EFCAB12: variants seen among roughly 807,000 people sequenced by gnomAD.
EFCAB12 encodes EF-hand calcium-binding domain-containing protein 12.
EFCAB12 carries 43 observed loss-of-function variants against 53.6 expected under a neutral mutation model. The observed-to-expected ratio is 0.80, with a 90% CI of 0.63 to 1.03. EFCAB12 has a LOEUF of 1.03. Ranked by LOEUF, EFCAB12 falls within the 50% of genes least tolerant of loss-of-function variation. The probability of loss-of-function intolerance (pLI) is 0.00; values close to 1 mark genes in which losing one functional copy is unlikely to be tolerated. For synonymous variants in EFCAB12, 269 were observed against 289.2 expected (o/e 0.93, Z 0.71); for missense variants, 646 against 730.6 (o/e 0.88, Z 1.34).
chr3:129,408,568 C>T, intron 6 of EFCAB12, 77 bp downstream of exon 6: 2 of 1,451,620 alleles, frequency 1.4e-6, no homozygotes, highest in Non-Finnish European at 1.9e-6. Flanking sequence ...TGCATGGGTG[C>T]CCTGGGTGGC....
rs553566899 is a variant in EFCAB12 at position 129,404,239 on chromosome 3, C to T, written c.1403+11G>A. ...GGCCAAGGCAGGGAGAAAGGGGGTC[C>T]GAAACTCAGCTTGTCAGTCCTCTTA... is the stretch of plus-strand genomic sequence containing the variant. On this transcript the variant is annotated intron_variant, in intron 7 of 8. Transcript: ENST00000505956. 29 of 1,609,534 alleles carry T rather than the reference C, an allele frequency of 1.8e-5. No homozygotes were observed. The highest frequency in any genetic ancestry group is 1.3e-4 in the East Asian group (6 of 44,802).
rs1458299252 is a variant in EFCAB12, at chr3:129,421,727, G to A, written c.126C>T (p.Phe42=). Reference sequence around the variant, plus strand: ...GGAAGTCCTTCTGCTGGAACTGCTTGAAGCAGTGGGCAATGACCGGTTCAG... The same window carrying A: ...GGAAGTCCTTCTGCTGGAACTGCTTAAAGCAGTGGGCAATGACCGGTTCAG... ...FDPEPVIAHC[F]KQFQQKDFRL... The change falls in exon 2 of 9, where the codon TTC becomes TTT. Residue 42 remains phenylalanine, a synonymous_variant. Transcript: ENST00000505956. The A allele has an allele frequency of 6.2e-7, 1 of 1,613,872 alleles. No individual in the cohort carries two copies. The highest frequency in any genetic ancestry group is 2.2e-5 in the East Asian group (1 of 44,878).
chr3:129,428,459 A>G lies in EFCAB12; in HGVS notation c.30T>C (p.Ser10=). MDDDYEAYH[S]LFLSLLGLCP... ...GCTTACCGAGCAGCGACAAGAACAGACTGTGGTACGCTTCATAGTCGTCGT... is the reference window on the plus strand; with the variant it reads ...GCTTACCGAGCAGCGACAAGAACAGGCTGTGGTACGCTTCATAGTCGTCGT... Residue 10 remains serine (S), a synonymous_variant, in exon 1 of 9, where the codon AGT becomes AGC. Transcript: ENST00000505956. The G allele has an allele frequency of 6.2e-7, 1 of 1,611,022 alleles. No individual in the cohort carries two copies. The highest frequency in any genetic ancestry group is 8.5e-7 in the Non-Finnish European group (1 of 1,178,622).
At chr3:129,424,046 C>G (rs73865438) in intron 1 of EFCAB12, among the ~76,000 whole-genome samples, 1,928 of 152,322 alleles carry the variant, frequency 0.013, 33 homozygotes, top group African/African-American at 0.044. Flanking sequence ...TTAGTCCCAT[C>G]ATAAGCATTT....
chr3:129,408,660 C>T lies in EFCAB12; in HGVS notation c.1234G>A (p.Asp412Asn). 1 of 1,574,742 alleles carries T rather than the reference C, an allele frequency of 6.4e-7. No individual in the cohort carries two copies. The highest frequency in any genetic ancestry group is 1.2e-5 in the South Asian group (1 of 85,798). ...AGGCCCTTACCTTTCATGAGGATGT[C>T]CTCTGTCAGCGGGAGGCCATAGGAC... ...CKSYGLPLTEDILMKALLYPG... is the reference protein window; with the variant it reads ...CKSYGLPLTENILMKALLYPG... Residue 412 changes from aspartate to asparagine, a missense_variant, in exon 6 of 9, where the codon GAC becomes AAC. By Grantham distance (23) the Asp-to-Asn change is conservative (BLOSUM62 1). Coordinates refer to ENST00000505956, the MANE Select transcript of EFCAB12 (RefSeq NM_207307.3).
In EFCAB12 at chr3:129,401,675, G is replaced by GGGTGGTA. The variant is rs1164814725; in HGVS notation, c.1630_1636dup (p.Pro546LeufsTer4). The GGGTGGTA allele has an allele frequency of 1.3e-6, 2 of 1,589,858 alleles. No individual in the cohort carries two copies. Among genetic ancestry groups the GGGTGGTA allele is most frequent in the African/African-American group, 2.7e-5 (2 of 74,538 alleles). On this transcript the variant is annotated frameshift_variant, in exon 9 of 9. Coordinates refer to ENST00000505956, the MANE Select transcript of EFCAB12 (RefSeq NM_207307.3). LOFTEE classifies it low-confidence loss of function (END_TRUNC). Reference sequence around the variant, plus strand: ...GTTCCTAAGGGGCCACCAGTGGTCAGGGTGGTAGGTGGCTGGGTAGACATG... The same window carrying GGGTGGTA: ...GTTCCTAAGGGGCCACCAGTGGTCAGGGTGGTAGGTGGTAGGTGGCTGGGTAGACATG...
intron 5 of EFCAB12, among the ~76,000 whole-genome samples, chr3:129,409,832 G>A (rs1042628985): frequency 1.3e-5 from 2 of 152,126 alleles, no homozygotes; most frequent in Non-Finnish European, 2.9e-5. Flanking sequence ...GCCCTTTACA[G>A]GGGAACTTTG....
chr3:129,423,867 C>A (rs553874524), intron 1 of EFCAB12, among the ~76,000 whole-genome samples: 3 of 152,226 alleles, frequency 2.0e-5, no homozygotes, highest in Non-Finnish European at 4.4e-5. Flanking sequence ...ATCTGCCCCA[C>A]CAACACACAC....
At chr3:129,421,927 A>G (rs2072194742) in intron 1 of EFCAB12, 124 bp from the exon 2 acceptor site, 1 of 964,996 alleles carries the variant, frequency 1.0e-6, no homozygotes, top group Admixed American at 2.9e-5. Context: ...AGGCTTTATC[A>G]TTGTCTTGCT....
At chr3:129,405,313 C>T (rs950685082) in intron 6 of EFCAB12, among the ~76,000 whole-genome samples, 4 of 152,062 alleles carry the variant, frequency 2.6e-5, no homozygotes, top group African/African-American at 7.2e-5. Context: ...ATGGAAGTTA[C>T]GCTCCAGCGA....
rs757909257 is a variant in EFCAB12 at position 129,411,240 on chromosome 3, G to C, written c.953C>G (p.Thr318Arg). Reference sequence around the variant, plus strand: ...GGTCATGGGCCGCGTCTCCATCTGCGTGTCGACTGCAGGCACCGTCAGTAG... The same window carrying C: ...GGTCATGGGCCGCGTCTCCATCTGCCTGTCGACTGCAGGCACCGTCAGTAG... ...VDLLTVPAVD[T>R]QMETRPMTLE... The change falls in exon 5 of 9, where the codon ACG becomes AGG. Residue 318 changes from threonine (T) to arginine (R), a missense_variant. Transcript: ENST00000505956. 1 of 1,613,704 alleles carries C rather than the reference G, an allele frequency of 6.2e-7. No homozygotes were observed.
At chr3:129,417,675 ACT>A (rs1442319090) in intron 3 of EFCAB12, among the ~76,000 whole-genome samples, 2 of 152,196 alleles carry the variant, frequency 1.3e-5, no homozygotes, top group Admixed American at 6.5e-5. Flanking sequence ...ACTACTGAGC[ACT>A]CAAAATATGT....
chr3:129,421,373 G>A lies in EFCAB12; in HGVS notation c.480C>T (p.Thr160=), dbSNP rs2107741827. The part of the protein sequence containing the change: ...QPNASQATTR[T]TRKKAPRLSR... ...GGCAAATGGGGCTGCTCACCCTGGT[G>A]GTCCTGGTAGTTGCCTGGGAGGCAT... The change falls in exon 2 of 9, where the codon ACC becomes ACT. Residue 160 remains threonine, a synonymous_variant. Coordinates refer to ENST00000505956, the MANE Select transcript of EFCAB12 (RefSeq NM_207307.3). 6.2e-7 allele frequency: 1 copy of A among 1,604,666 alleles called. No individual in the cohort carries two copies. Among genetic ancestry groups the A allele is most frequent in the Non-Finnish European group, 8.5e-7 (1 of 1,172,970 alleles).
At chr3:129,423,982 G>GA (rs1377934057) in intron 1 of EFCAB12, among the ~76,000 whole-genome samples, 1 of 152,104 alleles carries the variant, frequency 6.6e-6, no homozygotes, top group Non-Finnish European at 1.5e-5. Flanking sequence ...CCGGCCCCTT[G>GA]AAGCCCTCCC....
chr3:129,415,127 C>T (rs992093183), intron 4 of EFCAB12, 118 bp downstream of exon 4: 138 of 1,303,222 alleles, frequency 1.1e-4, no homozygotes, highest in Non-Finnish European at 1.2e-4. Context: ...AAACCACAGT[C>T]GGCCAAAACT....
intron 1 of EFCAB12, among the ~76,000 whole-genome samples, chr3:129,426,126 C>G (rs2072267851): frequency 6.6e-6 from 1 of 152,158 alleles, no homozygotes; most frequent in South Asian, 2.1e-4. Context: ...ACCTCTCCGG[C>G]TATTGTTTTT....
chr3:129,421,292 C>T, intron 2 of EFCAB12, 75 bp downstream of exon 2: 2 of 1,450,654 alleles, frequency 1.4e-6, no homozygotes, highest in Non-Finnish European at 1.8e-6. Context: ...CCCTATCCAG[C>T]CTAACCCAAG....
In EFCAB12 at chr3:129,404,299, G is replaced by A. The variant is rs1238821129; in HGVS notation, c.1354C>T (p.Leu452=). The A allele has an allele frequency of 6.2e-7, 1 of 1,613,942 alleles. No homozygotes were observed. Among genetic ancestry groups the A allele is most frequent in the Non-Finnish European group, 8.5e-7 (1 of 1,179,870 alleles). ...GGGCCCTGGGACCGGAGCAGAGCCA[G>A]ATTCGGAGAAAAGACCTTCCAGTCA... is the stretch of plus-strand genomic sequence containing the variant. ...YSDWKVFSPN[L]ALLRSQGPGK... The change falls in exon 7 of 9, where the codon CTG becomes TTG. Residue 452 remains leucine (L), a synonymous_variant. Transcript: ENST00000505956.
rs1263030137 is a variant in EFCAB12, at chr3:129,404,489, T to C, written c.1250-86A>G. 2.2e-6 allele frequency: 3 copies of C among 1,376,246 alleles called. No homozygotes were observed. In the African/African-American group the frequency reaches 5.1e-5, roughly 23 times the overall value. 85.3% of individuals were successfully genotyped at this position (1,376,246 alleles called of 1,614,324 possible). The stretch of plus-strand genomic sequence containing the variant: ...CCTCTGGGGTCAGAGGAGGTGTTTT[T>C]TTTTTTTTTAATTCACATTTTTAAG... On this transcript the variant is annotated intron_variant, in intron 6 of 8. Transcript: ENST00000505956.
Sources: allele counts gnomAD v4.1 joint callset (sites outside exome capture counted in the v4.1 genomes callset), GRCh38; gene constraint gnomAD v4.1.1; transcripts MANE v1.5; gene names NCBI Gene and HGNC (gene_info 2026-07-23, HGNC 2026-07-21).